The following DMD variants were observed in gnomAD, a reference collection of about 807,000 sequenced individuals.
The protein encoded by DMD is dystrophin.
Under a neutral mutation model 330.1 loss-of-function variants are expected in DMD, and 63 were observed. The ratio of observed to expected loss-of-function variants is 0.19; its 90% CI spans 0.16 to 0.24. The LOEUF (loss-of-function observed/expected upper bound fraction) is 0.24. DMD is among the 10% of genes least tolerant of loss of function. The pLI, the probability that DMD is intolerant of heterozygous loss-of-function variation, is 1.00. For missense variants in DMD, 3,344 were observed against 2,684.1 expected (o/e 1.25, Z -5.43); for synonymous variants, 1,223 against 959.8 (o/e 1.27, Z -5.07).
chrX:32,239,500 A>G (rs142249098), intron 43 of DMD, among the ~76,000 whole-genome samples: 2 of 111,966 alleles, frequency 1.8e-5, no homozygotes, highest in African/African-American at 6.5e-5. Flanking sequence ...TACATTTGTT[A>G]TAACTGACTT....
chrX:32,054,135 G>GAGAGAGAGAGAA (rs1450250738), intron 44 of DMD, among the ~76,000 whole-genome samples: 8 of 96,141 alleles, frequency 8.3e-5, no homozygotes, highest in Non-Finnish European at 1.3e-4. Context: ...GAGAGAGAGA[G>GAGAGAGAGAGAA]AAGAGGACTG....
chrX:31,220,491 T>C (rs1397901899), intron 64 of DMD, among the ~76,000 whole-genome samples: 2 of 111,721 alleles, frequency 1.8e-5, no homozygotes, highest in African/African-American at 6.5e-5. Flanking sequence ...TTTCTTCCCA[T>C]GGAGCATGTG....
chrX:32,785,323 G>A (rs1252538637), intron 7 of DMD, among the ~76,000 whole-genome samples: 1 of 110,828 alleles, frequency 9.0e-6, no homozygotes, highest in Non-Finnish European at 1.9e-5. Flanking sequence ...CAATATTTAA[G>A]CTCTGACAAT....
At chrX:32,651,344 C>G (rs2060140020) in intron 9 of DMD, among the ~76,000 whole-genome samples, 1 of 110,458 alleles carries the variant, frequency 9.1e-6, no homozygotes, top group Non-Finnish European at 1.9e-5. Context: ...GGTTTCAACA[C>G]GTTGGCCAGG....
chrX:31,958,671 G>T (rs1010678108), intron 45 of DMD, among the ~76,000 whole-genome samples: 2 of 111,601 alleles, frequency 1.8e-5, no homozygotes. Flanking sequence ...ATTCTGGTTT[G>T]TTTACTGGTT....
rs1557019894 is a variant in DMD, at chrX:32,777,277, T to TGGCG, written c.649+32215_649+32216insCGCC. Among the ~76,000 whole-genome samples, 4 of 2,113 alleles carry TGGCG rather than the reference T, an allele frequency of 1.9e-3. 1 individual carries two copies. The highest frequency in any genetic ancestry group is 0.012 in the African/African-American group (4 of 323). The allele number at this position is 2,113 out of a possible 115,157, so 1.8% of individuals were successfully genotyped here. ...CTAGTTTTTAAGTTTGGTTTCTGGT[T>TGGCG]GGGGGGGGAATCCTACCAAGCTAGG... On this transcript the variant is annotated intron_variant, in intron 7 of 78. Coordinates refer to ENST00000357033, the MANE Select transcript of DMD (RefSeq NM_004006.3).
intron 16 of DMD, among the ~76,000 whole-genome samples, chrX:32,562,989 C>A (rs2051205741): frequency 9.0e-6 from 1 of 111,210 alleles, no homozygotes; most frequent in South Asian, 3.8e-4. Context: ...GATGTTAAGT[C>A]CTTTTATTTA....
rs891453160 is a variant in DMD, at chrX:32,895,922, T to A, written c.94-46102A>T. 4.5e-5 allele frequency among the ~76,000 whole-genome samples: 5 copies of A among 110,289 alleles called. No individual in the cohort carries two copies. In the Admixed American group the frequency reaches 4.9e-4, roughly 11 times the overall value. On this transcript the variant is annotated intron_variant, in intron 2 of 78. Coordinates refer to ENST00000357033, the MANE Select transcript of DMD (RefSeq NM_004006.3). ...CATTGCTAGTCTTGTAATCTTATAA[T>A]TGTTCATAAGAGAAAATACAGTCTA...
chrX:32,684,855 C>G (rs935987556), intron 9 of DMD, among the ~76,000 whole-genome samples: 23 of 110,955 alleles, frequency 2.1e-4, no homozygotes, highest in African/African-American at 7.5e-4. Context: ...TGAGGGCTAT[C>G]AATCCTTCGT....
chrX:32,142,262 A>C (rs1273921439), intron 44 of DMD, among the ~76,000 whole-genome samples: 1 of 111,643 alleles, frequency 9.0e-6, no homozygotes, highest in Non-Finnish European at 1.9e-5. Flanking sequence ...TTCCCACATC[A>C]AGGGGGATTT....
intron 45 of DMD, among the ~76,000 whole-genome samples, chrX:31,936,614 C>T (rs940695886): frequency 2.7e-5 from 3 of 111,112 alleles, no homozygotes; most frequent in Non-Finnish European, 5.7e-5. Flanking sequence ...ATTGAGACTA[C>T]GTTTCCAGCT....
intron 41 of DMD, among the ~76,000 whole-genome samples, chrX:32,318,182 T>A (rs2097591051): frequency 2.7e-5 from 3 of 111,402 alleles, no homozygotes; most frequent in Non-Finnish European, 3.8e-5. Flanking sequence ...ACAAGTTTCC[T>A]TCTAGGAATC....
chrX:32,659,879 G>T (rs1169991586), intron 9 of DMD, among the ~76,000 whole-genome samples: 1 of 110,419 alleles, frequency 9.1e-6, no homozygotes, highest in Non-Finnish European at 1.9e-5. Context: ...TCCTATTCAA[G>T]GAAAGGTCTT....
intron 68 of DMD, among the ~76,000 whole-genome samples, chrX:31,182,316 C>T (rs749857194): frequency 1.1e-4 from 12 of 112,140 alleles, no homozygotes; most frequent in Admixed American, 1.9e-4. Flanking sequence ...TATTATGGTT[C>T]CTCCCAGAAT....
At chrX:32,548,924 T>C (rs1014578512) in intron 16 of DMD, among the ~76,000 whole-genome samples, 1 of 111,811 alleles carries the variant, frequency 8.9e-6, no homozygotes, top group Non-Finnish European at 1.9e-5. Flanking sequence ...GAATAGAATA[T>C]AGTTTGACCT....
At chrX:33,111,754 C>G (rs184288167) in intron 1 of DMD, among the ~76,000 whole-genome samples, 209 of 110,578 alleles carry the variant, frequency 1.9e-3, no homozygotes, top group African/African-American at 6.1e-3. Flanking sequence ...TTACAGGTGC[C>G]TGCCACCACG....
chrX:32,855,994 G>C (rs2081523019), intron 2 of DMD, among the ~76,000 whole-genome samples: 1 of 111,912 alleles, frequency 8.9e-6, no homozygotes, highest in South Asian at 3.7e-4. Flanking sequence ...CTGATTGAAA[G>C]AAGGGCAAAA....
chrX:31,800,187 C>G (rs2091997388), intron 50 of DMD, among the ~76,000 whole-genome samples: 1 of 112,635 alleles, frequency 8.9e-6, no homozygotes, highest in Non-Finnish European at 1.9e-5. Flanking sequence ...GAGCTCCGAC[C>G]CCACATTTTC....
At chrX:32,690,133 A>G (rs1359652494) in intron 9 of DMD, among the ~76,000 whole-genome samples, 3 of 110,881 alleles carry the variant, frequency 2.7e-5, no homozygotes, top group African/African-American at 9.8e-5. Context: ...TTTGCAGATG[A>G]CATAATCTTA....
Sources: allele counts gnomAD v4.1 joint callset (sites outside exome capture counted in the v4.1 genomes callset), GRCh38; gene constraint gnomAD v4.1.1; transcripts MANE v1.5; gene names NCBI Gene and HGNC (gene_info 2026-07-23, HGNC 2026-07-21).